ATRX: variants seen among roughly 807,000 people sequenced by gnomAD.
ATRX encodes the protein chromatin remodeler ATRX.
ATRX carries 12 observed loss-of-function variants against 172.6 expected under a neutral mutation model. That is an observed-to-expected ratio of 0.07 (90% CI 0.04 to 0.11). The LOEUF (loss-of-function observed/expected upper bound fraction) is 0.11. Among genes scored for constraint, ATRX ranks in the 10% least tolerant of loss-of-function variants. ATRX has a pLI of 1.00. For synonymous variants in ATRX, 674 were observed against 594.7 expected, an observed-to-expected ratio of 1.13 and a Z score of -1.94; for missense variants, 1,368 against 1,767.4, an observed-to-expected ratio of 0.77 and a Z score of 4.05.
intron 30 of ATRX, among the ~76,000 whole-genome samples, chrX:77,551,204 G>A (rs1335210717): frequency 8.9e-6 from 1 of 111,814 alleles, no homozygotes; most frequent in Non-Finnish European, 1.9e-5. Context: ...CACGCTACCT[G>A]ACTTCAAACT....
chrX:77,738,778 G>A (rs1418918143), intron 1 of ATRX, among the ~76,000 whole-genome samples: 5 of 109,103 alleles, frequency 4.6e-5, no homozygotes, highest in African/African-American at 1.3e-4. Flanking sequence ...GGCCTGGCTG[G>A]TCTCAAACTC....
intron 12 of ATRX, among the ~76,000 whole-genome samples, chrX:77,659,527 G>T (rs868974001): frequency 1.5e-5 from 1 of 67,588 alleles, no homozygotes; most frequent in African/African-American, 5.3e-5. Flanking sequence ...ACACACACAG[G>T]CAGACACAAC....
chrX:77,512,173 A>G (rs1428355444), intron 34 of ATRX, among the ~76,000 whole-genome samples: 1 of 111,811 alleles, frequency 8.9e-6, no homozygotes, highest in Non-Finnish European at 1.9e-5. Flanking sequence ...GTGACATGAG[A>G]TATTTAAAAG....
chrX:77,624,001 G>C (rs2067705457), intron 19 of ATRX, among the ~76,000 whole-genome samples: 1 of 111,499 alleles, frequency 9.0e-6, no homozygotes, highest in African/African-American at 3.3e-5. Flanking sequence ...AGAAGACAAG[G>C]ATGCCCACCC....
chrX:77,646,042 GAAATAATGAACA>G (rs782247212), intron 15 of ATRX, among the ~76,000 whole-genome samples: 83 of 111,621 alleles, frequency 7.4e-4, no homozygotes, highest in African/African-American at 2.7e-3. Flanking sequence ...AGTAATGGAG[GAAATAATGAACA>G]AAATAATGAA....
At chrX:77,752,593 T>C (rs1343306378) in intron 1 of ATRX, among the ~76,000 whole-genome samples, 2 of 112,318 alleles carry the variant, frequency 1.8e-5, no homozygotes, top group Non-Finnish European at 3.8e-5. Context: ...AGTATGATAC[T>C]GGCTATGGGT....
chrX:77,752,815 G>A (rs1270119105), intron 1 of ATRX, among the ~76,000 whole-genome samples: 5 of 111,750 alleles, frequency 4.5e-5, no homozygotes, highest in African/African-American at 1.6e-4. Context: ...CAGAGATGAA[G>A]CAGACTTGAT....
At chrX:77,721,673 G>A (rs782077109) in intron 1 of ATRX, among the ~76,000 whole-genome samples, 7 of 111,515 alleles carry the variant, frequency 6.3e-5, no homozygotes, top group African/African-American at 9.8e-5. Context: ...AATAAGAGAG[G>A]ACTCAAATAA....
chrX:77,585,778 G>A (rs782720710), intron 27 of ATRX, among the ~76,000 whole-genome samples: 1 of 109,545 alleles, frequency 9.1e-6, no homozygotes, highest in African/African-American at 3.3e-5. Context: ...TAATGAAAAT[G>A]TGATACTTAT....
intron 1 of ATRX, among the ~76,000 whole-genome samples, chrX:77,773,481 C>T (rs916336356): frequency 8.9e-6 from 1 of 111,743 alleles, no homozygotes; most frequent in Non-Finnish European, 1.9e-5. Context: ...CGGCCAGGCA[C>T]GATGGCTCAC....
intron 22 of ATRX, 137 bp from the exon 23 acceptor site, chrX:77,600,701 G>C (rs1332442825): frequency 2.7e-5 from 16 of 603,631 alleles, no homozygotes; most frequent in Non-Finnish European, 4.1e-5. Context: ...TTGGAATATC[G>C]TTTTGAAACA....
Position 77,636,075 on chromosome X carries a change from T to C in ATRX, c.4558-19A>G, listed in dbSNP as rs782130965. The C allele has an allele frequency of 8.3e-7, 1 of 1,207,893 alleles. No individual in the cohort carries two copies. The highest frequency in any genetic ancestry group is 3.0e-5 in the East Asian group (1 of 33,812). ...CTATCACCTACAAGAAAAGGAGTTG[T>C]TGATAGTTAAGCTCAAAGAAATCAT... On this transcript the variant is annotated intron_variant, in intron 15 of 34. Transcript: ENST00000373344.
rs781823496 is a variant in ATRX, at chrX:77,557,595, C to A, written c.6555G>T (p.Leu2185=). The part of the protein sequence containing the change: ...IYDRQVTKQS[L]SFRVVDQQQV... ...GCTGCTGATCAACAACTCGAAAAGA[C>A]AGTGACTGCTTAGTTACTTGCCGAT... Residue 2185 remains leucine (L), a synonymous_variant, in exon 30 of 35, where the codon CTG becomes CTT. Transcript: ENST00000373344. 15 of 1,207,024 alleles carry A rather than the reference C, an allele frequency of 1.2e-5. No individual in the cohort carries two copies. The South Asian group carries it at 2.7e-4, about 22-fold the overall frequency.
rs188297639 is a variant in ATRX, at chrX:77,635,805, C to T, written c.4699+110G>A. The T allele has an allele frequency of 1.5e-4, 104 of 696,255 alleles. No homozygotes were observed. The African/African-American group carries it at 2.2e-3, about 15-fold the overall frequency. 57.4% of individuals were successfully genotyped at this position (696,255 alleles called of 1,213,427 possible). On this transcript the variant is annotated intron_variant, in intron 16 of 34. Coordinates refer to ENST00000373344, the MANE Select transcript of ATRX (RefSeq NM_000489.6). ...CAGGGGAATTGTGGATTCCCCACCCCACTCACCAATTTACCTCCAGGACTT... is the reference window on the plus strand; with the variant it reads ...CAGGGGAATTGTGGATTCCCCACCCTACTCACCAATTTACCTCCAGGACTT...
At chrX:77,762,146 C>T (rs1257607774) in intron 1 of ATRX, among the ~76,000 whole-genome samples, 1 of 108,064 alleles carries the variant, frequency 9.3e-6, no homozygotes, top group African/African-American at 3.4e-5. Context: ...ACAAAAAATA[C>T]AAAAAAAATT....
intron 25 of ATRX, chrX:77,595,687 T>C (rs1416077130): frequency 1.8e-5 from 2 of 111,227 alleles, no homozygotes; most frequent in Non-Finnish European, 3.8e-5. Flanking sequence ...AAGACTAGCA[T>C]CTCCCTAGGA....
At chrX:77,591,517 G>C (rs1460927685) in intron 26 of ATRX, among the ~76,000 whole-genome samples, 2 of 112,105 alleles carry the variant, frequency 1.8e-5, no homozygotes, top group African/African-American at 6.5e-5. Flanking sequence ...CATATCTTCA[G>C]ATTTAGTAGA....
At chrX:77,747,546 C>T (rs2075132787) in intron 1 of ATRX, among the ~76,000 whole-genome samples, 1 of 111,413 alleles carries the variant, frequency 9.0e-6, no homozygotes, top group South Asian at 3.8e-4. Flanking sequence ...GGGGACTTAA[C>T]CCAAAATCAG....
intron 12 of ATRX, among the ~76,000 whole-genome samples, chrX:77,661,120 T>A (rs1354241667): frequency 8.9e-6 from 1 of 112,378 alleles, no homozygotes; most frequent in East Asian, 2.8e-4. Flanking sequence ...ATGCTGAGAT[T>A]GTGATTCTTG....
Sources: gnomAD v4.1 joint callset for allele counts (sites outside exome capture counted in the v4.1 genomes callset) on GRCh38, gnomAD v4.1.1 for gene constraint, MANE v1.5 for transcripts, NCBI Gene and HGNC (gene_info 2026-07-23, HGNC 2026-07-21) for gene names.